The following ST6GALNAC3 variants were observed in gnomAD, a reference collection of about 807,000 sequenced individuals.
ST6GALNAC3 encodes ST6 N-acetylgalactosaminide alpha-2,6-sialyltransferase 3, also known as alpha-N-acetylgalactosaminide alpha-2,6-sialyltransferase 3.
In ST6GALNAC3, 25 loss-of-function variants were observed where a neutral mutation model predicts 32.7. That is an observed-to-expected ratio of 0.76 (90% CI 0.56 to 1.07). The LOEUF is 1.07. ST6GALNAC3 is among the 50% of genes least tolerant of loss of function. The probability of loss-of-function intolerance (pLI) is 0.00; values close to 1 mark genes in which losing one functional copy is unlikely to be tolerated. For synonymous variants in ST6GALNAC3, 129 were observed against 133.1 expected (o/e 0.97, Z 0.21); for missense variants, 355 against 382.4 (o/e 0.93, Z 0.60).
At chr1:76,093,285 T>A (rs1023511498) in intron 1 of ST6GALNAC3, among the ~76,000 whole-genome samples, 28 of 152,234 alleles carry the variant, frequency 1.8e-4, no homozygotes, top group Non-Finnish European at 3.1e-4. Flanking sequence ...CTGTGTGCTG[T>A]GGACTGGGGA....
intron 2 of ST6GALNAC3, among the ~76,000 whole-genome samples, chr1:76,386,082 AT>A (rs776584582): frequency 2.6e-5 from 4 of 152,040 alleles, no homozygotes; most frequent in Non-Finnish European, 5.9e-5. Flanking sequence ...TAGCAAGGTT[AT>A]GTGTGTGTCG....
chr1:76,227,011 G>T (rs1311780160), intron 1 of ST6GALNAC3, among the ~76,000 whole-genome samples: 2 of 152,168 alleles, frequency 1.3e-5, no homozygotes, highest in Non-Finnish European at 2.9e-5. Context: ...TGATCCACAA[G>T]AATAAAGGTT....
chr1:76,184,972 A>T (rs1466861331), intron 1 of ST6GALNAC3, among the ~76,000 whole-genome samples: 1 of 152,112 alleles, frequency 6.6e-6, no homozygotes, highest in Non-Finnish European at 1.5e-5. Flanking sequence ...AGCAGGTACC[A>T]CTCTGACAAC....
intron 3 of ST6GALNAC3, among the ~76,000 whole-genome samples, chr1:76,542,090 AC>A (rs1196931451): frequency 6.6e-6 from 1 of 152,220 alleles, no homozygotes; most frequent in Admixed American, 6.5e-5. Flanking sequence ...ATATGTTCAA[AC>A]AATCTCCAAA....
intron 2 of ST6GALNAC3, among the ~76,000 whole-genome samples, chr1:76,334,901 G>A (rs1185246630): frequency 2.6e-5 from 4 of 152,158 alleles, no homozygotes; most frequent in African/African-American, 9.7e-5. Context: ...ATAATACTAA[G>A]AATATGCATA....
In ST6GALNAC3 at chr1:76,341,463, G is replaced by A. The variant is rs537391917; in HGVS notation, c.213+27464G>A. 3.9e-5 allele frequency among the ~76,000 whole-genome samples: 6 copies of A among 152,016 alleles called. No homozygotes were observed. In the South Asian group the frequency reaches 1.0e-3, roughly 26 times the overall value. On this transcript the variant is annotated intron_variant, in intron 2 of 4. Coordinates refer to ENST00000328299, the MANE Select transcript of ST6GALNAC3 (RefSeq NM_152996.4). ...TTCTTTGTCTAATCCACTGTTGATG[G>A]GCACCTGGGTGGATTCCATGTCTTT...
chr1:76,322,038 G>A (rs977466665), intron 2 of ST6GALNAC3, among the ~76,000 whole-genome samples: 1 of 152,096 alleles, frequency 6.6e-6, no homozygotes, highest in Non-Finnish European at 1.5e-5. Context: ...AGAGCCTTAG[G>A]TAGAAAAGTC....
intron 3 of ST6GALNAC3, among the ~76,000 whole-genome samples, chr1:76,594,912 C>T (rs1372735481): frequency 1.3e-5 from 2 of 152,162 alleles, no homozygotes; most frequent in Admixed American, 1.3e-4. Context: ...TATCCCACAT[C>T]CTGTTTTCCC....
chr1:76,122,853 G>A (rs780911986), intron 1 of ST6GALNAC3, among the ~76,000 whole-genome samples: 3 of 152,172 alleles, frequency 2.0e-5, no homozygotes, highest in Non-Finnish European at 2.9e-5. Flanking sequence ...GCTGAGGATT[G>A]AGACGAGAGC....
intron 1 of ST6GALNAC3, among the ~76,000 whole-genome samples, chr1:76,278,201 A>AC (rs879910611): frequency 0.15 from 21,672 of 147,178 alleles, 3,268 homozygotes; most frequent in African/African-American, 0.37. Flanking sequence ...AGTATCATGT[A>AC]TTCTCATTAT....
intron 3 of ST6GALNAC3, among the ~76,000 whole-genome samples, chr1:76,516,582 A>G (rs1174866100): frequency 6.6e-6 from 1 of 152,190 alleles, no homozygotes; most frequent in African/African-American, 2.4e-5. Context: ...TAGCTTCAAA[A>G]AGAACTGTGC....
chr1:76,342,816 G>T lies in ST6GALNAC3; in HGVS notation c.213+28817G>T, dbSNP rs140534939. ...CATTGTAGTTTTGATTTGCATCTCT[G>T]ATGATTAGCAATGTTGAGCTTTTTT... On this transcript the variant is annotated intron_variant, in intron 2 of 4. Coordinates refer to ENST00000328299, the MANE Select transcript of ST6GALNAC3 (RefSeq NM_152996.4). Among the ~76,000 whole-genome samples, 368 of 151,822 alleles carry T rather than the reference G, an allele frequency of 2.4e-3. 1 individual carries two copies. Among genetic ancestry groups the T allele is most frequent in the African/African-American group, 8.4e-3 (348 of 41,428 alleles).
chr1:76,494,280 G>C (rs957956688), intron 3 of ST6GALNAC3, among the ~76,000 whole-genome samples: 7 of 151,064 alleles, frequency 4.6e-5, no homozygotes, highest in African/African-American at 1.7e-4. Flanking sequence ...AGGTAAAGTT[G>C]CTTATTTTTG....
chr1:76,470,683 A>AT (rs935723040), intron 3 of ST6GALNAC3, among the ~76,000 whole-genome samples: 5 of 152,006 alleles, frequency 3.3e-5, no homozygotes, highest in Non-Finnish European at 7.4e-5. Context: ...TGGAGTTTGG[A>AT]TAAAAACTCA....
At chr1:76,489,904 C>A (rs1288601672) in intron 3 of ST6GALNAC3, among the ~76,000 whole-genome samples, 1 of 152,140 alleles carries the variant, frequency 6.6e-6, no homozygotes, top group Admixed American at 6.6e-5. Context: ...TTCAGAGATC[C>A]CCCGACAGGC....
chr1:76,307,813 A>G, intron 1 of ST6GALNAC3: 4 of 427,872 alleles, frequency 9.3e-6, no homozygotes, highest in South Asian at 7.1e-5. Context: ...ATAGATTGCA[A>G]ATTTGCTAGG....
At chr1:76,554,987 AC>A (rs1412737868) in intron 3 of ST6GALNAC3, among the ~76,000 whole-genome samples, 1 of 152,212 alleles carries the variant, frequency 6.6e-6, no homozygotes, top group Non-Finnish European at 1.5e-5. Context: ...TGCCCAAGGT[AC>A]TATAAATATC....
intron 1 of ST6GALNAC3, among the ~76,000 whole-genome samples, chr1:76,087,444 A>T (rs1003795329): frequency 6.6e-5 from 10 of 152,230 alleles, no homozygotes; most frequent in African/African-American, 1.9e-4. Context: ...TACTGTGGGT[A>T]AGAGGAGGGG....
intron 3 of ST6GALNAC3, among the ~76,000 whole-genome samples, chr1:76,523,512 C>T (rs913091748): frequency 6.6e-6 from 1 of 152,142 alleles, no homozygotes; most frequent in Admixed American, 6.6e-5. Context: ...GATAGAGAGG[C>T]TATCACCTTA....
Sources: allele counts gnomAD v4.1 joint callset (sites outside exome capture counted in the v4.1 genomes callset), GRCh38; gene constraint gnomAD v4.1.1; transcripts MANE v1.5; gene names NCBI Gene and HGNC (gene_info 2026-07-23, HGNC 2026-07-21).